The following ATP10B variants were observed in gnomAD, a reference collection of about 807,000 sequenced individuals.
The protein encoded by ATP10B is ATPase phospholipid transporting 10B (putative), also known as phospholipid-transporting ATPase VB.
Under a neutral mutation model 141.2 loss-of-function variants are expected in ATP10B, and 122 were observed. The observed-to-expected ratio is 0.86, with a 90% CI of 0.75 to 1.00. ATP10B has a LOEUF of 1.00. Among genes scored for constraint, ATP10B ranks in the 50% least tolerant of loss-of-function variants. The pLI is 0.00. For synonymous variants in ATP10B, 685 were observed against 692.0 expected (o/e 0.99, Z 0.16); for missense variants, 1,876 against 1,825.3 (o/e 1.03, Z -0.51).
the ATP10B span, among the ~76,000 whole-genome samples, chr5:160,891,582 C>T: frequency 1.3e-5 from 2 of 152,150 alleles, no homozygotes; most frequent in Admixed American, 6.6e-5. Flanking sequence ...GGACTATAGG[C>T]GTGAGCCACC....
intron 6 of ATP10B, 24 bp from the exon 7 acceptor site, chr5:160,670,691 G>T: frequency 6.2e-7 from 1 of 1,604,734 alleles, no homozygotes; most frequent in Non-Finnish European, 8.5e-7. Context: ...AAGACAGGGT[G>T]TGAGTGAGCT....
intron 17 of ATP10B, among the ~76,000 whole-genome samples, chr5:160,615,194 C>T (rs1757928740): frequency 6.6e-6 from 1 of 152,140 alleles, no homozygotes; most frequent in African/African-American, 2.4e-5. Context: ...AATCTGGGTC[C>T]TGCTGACCTT....
the ATP10B span, among the ~76,000 whole-genome samples, chr5:160,889,194 C>G: frequency 6.6e-6 from 1 of 152,130 alleles, no homozygotes; most frequent in Non-Finnish European, 1.5e-5. Flanking sequence ...CACTAACCTG[C>G]CAGCCAACCC....
intron 20 of ATP10B, 24 bp from the exon 21 acceptor site, chr5:160,602,726 C>T: frequency 6.2e-7 from 1 of 1,613,028 alleles, no homozygotes; most frequent in Non-Finnish European, 8.5e-7. Context: ...ACAGACACAT[C>T]AGCTTCCATC....
At chr5:160,756,025 T>G (rs892556101) in intron 2 of ATP10B, among the ~76,000 whole-genome samples, 1 of 151,248 alleles carries the variant, frequency 6.6e-6, no homozygotes, top group African/African-American at 2.4e-5. Flanking sequence ...ATCAAGATAA[T>G]GAACATATCC....
chr5:160,568,880 T>C (rs1300965143), intron 25 of ATP10B, among the ~76,000 whole-genome samples: 1 of 152,222 alleles, frequency 6.6e-6, no homozygotes, highest in African/African-American at 2.4e-5. Context: ...CCTGGAAATA[T>C]CTGACATAGT....
intron 6 of ATP10B, among the ~76,000 whole-genome samples, chr5:160,676,322 G>A (rs1763028383): frequency 6.6e-6 from 1 of 152,184 alleles, no homozygotes; most frequent in African/African-American, 2.4e-5. Context: ...CATGGGTTAC[G>A]ATTCTTCAGC....
intron 1 of ATP10B, among the ~76,000 whole-genome samples, chr5:160,803,601 C>T (rs563356959): frequency 5.3e-5 from 8 of 152,164 alleles, no homozygotes; most frequent in South Asian, 2.1e-4. Flanking sequence ...ATTGGAACCC[C>T]GGAGGTGGAG....
chr5:160,916,017 T>C, the ATP10B span, among the ~76,000 whole-genome samples: 1 of 152,328 alleles, frequency 6.6e-6, no homozygotes, highest in Middle Eastern at 3.4e-3. Flanking sequence ...AGCCCTCCTG[T>C]AACCATAGAA....
intron 1 of ATP10B, among the ~76,000 whole-genome samples, chr5:160,847,304 A>G (rs1326395064): frequency 6.6e-6 from 1 of 152,196 alleles, no homozygotes; most frequent in Non-Finnish European, 1.5e-5. Flanking sequence ...AAGCTATTTT[A>G]TCGTCTAAGG....
intron 1 of ATP10B, among the ~76,000 whole-genome samples, chr5:160,844,826 T>C (rs1249891093): frequency 2.6e-5 from 4 of 152,162 alleles, no homozygotes; most frequent in Non-Finnish European, 4.4e-5. Flanking sequence ...ATTACAGGCA[T>C]GAGACACTGT....
chr5:160,615,951 T>G lies in ATP10B; in HGVS notation c.2540A>C (p.Glu847Ala). The stretch of plus-strand genomic sequence containing the variant: ...GAAACTGGCCCATCTCCGGAAGTCC[T>G]CTTCGCTTACAACCTATGGGATGGG... Reference protein sequence around the residue: ...LCIAKKVVSEEDFRRWASFRR... With the variant: ...LCIAKKVVSEADFRRWASFRR... The change falls in exon 17 of 26, where the codon GAG (glutamate) becomes GCG (alanine). Residue 847 changes from glutamate to alanine, a missense_variant. Coordinates refer to ENST00000327245, the MANE Select transcript of ATP10B (RefSeq NM_025153.3). 6.2e-7 allele frequency: 1 copy of G among 1,613,734 alleles called. No homozygotes were observed. The highest frequency in any genetic ancestry group is 8.5e-7 in the Non-Finnish European group (1 of 1,179,674).
rs2127668740 is a variant in ATP10B at position 160,636,314 on chromosome 5, G to A, written c.1001-5C>T. 4 of 1,611,844 alleles carry A rather than the reference G, an allele frequency of 2.5e-6. No homozygotes were observed. The highest frequency in any genetic ancestry group is 3.4e-6 in the Non-Finnish European group (4 of 1,179,140). On this transcript the variant is annotated splice_region_variant and splice_polypyrimidine_tract_variant and intron_variant, in intron 10 of 25. Coordinates refer to ENST00000327245, the MANE Select transcript of ATP10B (RefSeq NM_025153.3). ...TCCCATTCCAGATGCTGTGACCTGA[G>A]AGGAGGCAAAACCAGGAATGAGGCT...
intron 2 of ATP10B, among the ~76,000 whole-genome samples, chr5:160,730,047 A>C (rs1440647614): frequency 6.6e-6 from 1 of 152,128 alleles, no homozygotes; most frequent in Non-Finnish European, 1.5e-5. Flanking sequence ...ACAGTGTGCA[A>C]CTGTAAATTC....
At chr5:160,871,102 A>C in the ATP10B span, among the ~76,000 whole-genome samples, 3 of 148,262 alleles carry the variant, frequency 2.0e-5, no homozygotes, top group African/African-American at 5.0e-5. Flanking sequence ...TACAGGTCAG[A>C]AACTTGAATC....
At chr5:160,621,739 G>A (rs1758360322) in intron 14 of ATP10B, among the ~76,000 whole-genome samples, 1 of 152,192 alleles carries the variant, frequency 6.6e-6, no homozygotes, top group Non-Finnish European at 1.5e-5. Flanking sequence ...ACAGCTCACA[G>A]GGGTGATTGG....
At position 160,697,552 on chromosome 5, in the gene ATP10B, CT is replaced by C. The variant is rs556946972; in HGVS notation, c.-204-8610del. On this transcript the variant is annotated intron_variant, in intron 3 of 25. Transcript: ENST00000327245. ...TGTCCTATAATTAGGATGCCAGAAG[CT>C]GACTTCCTCTAGAGAGAAAGAAACA... Among the ~76,000 whole-genome samples the C allele has an allele frequency of 9.9e-5, 14 of 141,478 alleles. No homozygotes were observed. The East Asian group carries it at 3.1e-3, about 32-fold the overall frequency. The allele number at this position is 141,478 out of a possible 152,430, so 92.8% of individuals were successfully genotyped here.
chr5:160,640,620 C>G (rs1418615015), intron 9 of ATP10B, 28 bp from the exon 10 acceptor site: 2 of 1,612,464 alleles, frequency 1.2e-6, no homozygotes, highest in Admixed American at 3.3e-5. Context: ...GAAATCAGTC[C>G]CTTAGTTCCT....
chr5:160,883,240 G>A, the ATP10B span, among the ~76,000 whole-genome samples: 21,055 of 152,148 alleles, frequency 0.14, 1,571 homozygotes, highest in African/African-American at 0.19. Context: ...ATGCAAGAAT[G>A]TAGGAAATAC....
Sources: allele counts gnomAD v4.1 joint callset (sites outside exome capture counted in the v4.1 genomes callset), GRCh38; gene constraint gnomAD v4.1.1; transcripts MANE v1.5; gene names NCBI Gene and HGNC (gene_info 2026-07-23, HGNC 2026-07-21).